Variants in CCSER1 observed in about 807,000 individuals in gnomAD.
CCSER1 encodes the protein coiled-coil serine rich protein 1.
In CCSER1, 41 loss-of-function variants were observed where a neutral mutation model predicts 82.0. That is an observed-to-expected ratio of 0.50 (90% CI 0.39 to 0.65). The LOEUF is 0.65. Among genes scored for constraint, CCSER1 ranks in the 30% least tolerant of loss-of-function variants. The pLI is 0.00. For missense variants in CCSER1, 1,119 were observed against 1,064.2 expected (o/e 1.05, Z -0.72); for synonymous variants, 414 against 383.9 (o/e 1.08, Z -0.92).
At chr4:90,198,788 G>T (rs1560783525) in intron 1 of CCSER1, among the ~76,000 whole-genome samples, 1 of 151,998 alleles carries the variant, frequency 6.6e-6, no homozygotes, top group Non-Finnish European at 1.5e-5. Context: ...AAGTGATGAA[G>T]AATCAATAAA....
At chr4:90,305,148 C>G (rs1734030636) in intron 1 of CCSER1, among the ~76,000 whole-genome samples, 1 of 152,172 alleles carries the variant, frequency 6.6e-6, no homozygotes, top group South Asian at 2.1e-4. Context: ...AATCTCCTGA[C>G]CTCGTGATCT....
At chr4:90,623,559 T>C (rs1722748427) in intron 5 of CCSER1, among the ~76,000 whole-genome samples, 1 of 152,212 alleles carries the variant, frequency 6.6e-6, no homozygotes, top group Admixed American at 6.5e-5. Flanking sequence ...ATCTTGCTTT[T>C]CCCCATATCA....
At chr4:90,289,924 A>G (rs139454605) in intron 1 of CCSER1, among the ~76,000 whole-genome samples, 1,655 of 151,810 alleles carry the variant, frequency 0.011, 12 homozygotes, top group African/African-American at 0.024. Context: ...GGAGATTAAA[A>G]TACTGTAGAT....
chr4:90,875,209 C>T (rs934035181), intron 8 of CCSER1, among the ~76,000 whole-genome samples: 15 of 152,230 alleles, frequency 9.9e-5, no homozygotes, highest in Middle Eastern at 3.4e-3. Context: ...TGAACAATTA[C>T]GTGTTGCACA....
chr4:90,848,703 A>T (rs1181820817), intron 8 of CCSER1, among the ~76,000 whole-genome samples: 1 of 152,304 alleles, frequency 6.6e-6, no homozygotes, highest in African/African-American at 2.4e-5. Flanking sequence ...CCCAAATCTC[A>T]CTTTCAAGTG....
At chr4:90,162,488 A>G (rs373320729) in intron 1 of CCSER1, among the ~76,000 whole-genome samples, 1 of 152,144 alleles carries the variant, frequency 6.6e-6, no homozygotes, top group South Asian at 2.1e-4. Flanking sequence ...TGTATGTAAA[A>G]GTTAACGTAA....
intron 8 of CCSER1, among the ~76,000 whole-genome samples, chr4:90,853,832 T>C (rs1484287914): frequency 6.6e-6 from 1 of 152,110 alleles, no homozygotes; most frequent in Non-Finnish European, 1.5e-5. Context: ...TAAAACTAAT[T>C]CAGATGAGTT....
At chr4:90,776,924 T>A (rs980177720) in intron 7 of CCSER1, among the ~76,000 whole-genome samples, 1 of 152,144 alleles carries the variant, frequency 6.6e-6, no homozygotes, top group South Asian at 2.1e-4. Context: ...TCCTCTCCAT[T>A]CTCAACCATA....
At chr4:91,114,110 C>T (rs1198685711) in intron 10 of CCSER1, among the ~76,000 whole-genome samples, 2 of 152,298 alleles carry the variant, frequency 1.3e-5, no homozygotes, top group Middle Eastern at 3.4e-3. Flanking sequence ...TCTCGGCCTC[C>T]CGAAGTGCTG....
At chr4:90,159,832 A>G (rs1313622689) in intron 1 of CCSER1, among the ~76,000 whole-genome samples, 1 of 152,196 alleles carries the variant, frequency 6.6e-6, no homozygotes, top group Non-Finnish European at 1.5e-5. Context: ...AGTGCCTAAC[A>G]TTTATTGAGG....
chr4:90,590,620 T>G (rs916636777), intron 5 of CCSER1, among the ~76,000 whole-genome samples: 1 of 152,072 alleles, frequency 6.6e-6, no homozygotes, highest in Admixed American at 6.6e-5. Context: ...ATGTGTGGTG[T>G]TATTTCTGAG....
At chr4:91,341,409 A>G (rs1165715440) in intron 10 of CCSER1, among the ~76,000 whole-genome samples, 2 of 152,234 alleles carry the variant, frequency 1.3e-5, no homozygotes, top group Non-Finnish European at 1.5e-5. Flanking sequence ...TATTAGTTTC[A>G]GAATATAACT....
intron 6 of CCSER1, among the ~76,000 whole-genome samples, chr4:90,640,121 G>C (rs192074004): frequency 6.6e-6 from 1 of 152,210 alleles, no homozygotes; most frequent in Admixed American, 6.5e-5. Flanking sequence ...CAATCGATTT[G>C]GCAATCCTTT....
intron 5 of CCSER1, among the ~76,000 whole-genome samples, chr4:90,503,162 G>T (rs1240050716): frequency 6.6e-6 from 1 of 152,170 alleles, no homozygotes; most frequent in African/African-American, 2.4e-5. Context: ...CAAATCTTTA[G>T]CTACTGAGCT....
chr4:90,758,694 T>C (rs1332325567), intron 7 of CCSER1, among the ~76,000 whole-genome samples: 3 of 152,182 alleles, frequency 2.0e-5, no homozygotes, highest in East Asian at 1.9e-4. Flanking sequence ...TCAACAGATA[T>C]ATACCCAGTC....
At chr4:90,492,533 A>T (rs950872490) in intron 5 of CCSER1, among the ~76,000 whole-genome samples, 3 of 151,732 alleles carry the variant, frequency 2.0e-5, no homozygotes, top group African/African-American at 7.3e-5. Flanking sequence ...TTGTGCTCTG[A>T]TCTTAGTTAT....
At chr4:90,793,196 T>G (rs1755511773) in intron 7 of CCSER1, among the ~76,000 whole-genome samples, 1 of 152,210 alleles carries the variant, frequency 6.6e-6, no homozygotes, top group Non-Finnish European at 1.5e-5. Context: ...TTAACTTTCA[T>G]TTAAGTTCAA....
intron 10 of CCSER1, among the ~76,000 whole-genome samples, chr4:91,527,924 G>A (rs1350795531): frequency 6.6e-6 from 1 of 151,946 alleles, no homozygotes; most frequent in Non-Finnish European, 1.5e-5. Context: ...ATTTTGTTTT[G>A]TTTTGTTTTT....
At chr4:91,092,823 C>T (rs1315898121) in intron 10 of CCSER1, among the ~76,000 whole-genome samples, 1 of 152,016 alleles carries the variant, frequency 6.6e-6, no homozygotes, top group Admixed American at 6.6e-5. Flanking sequence ...GACTGATGCC[C>T]GGTAAGGAGT....
Sources: gnomAD v4.1 joint callset for allele counts (sites outside exome capture counted in the v4.1 genomes callset) on GRCh38, gnomAD v4.1.1 for gene constraint, MANE v1.5 for transcripts, NCBI Gene and HGNC (gene_info 2026-07-23, HGNC 2026-07-21) for gene names.